The following CTNNA2 variants were observed in gnomAD, a reference collection of about 807,000 sequenced individuals.
CTNNA2 encodes the protein catenin alpha-2.
Under a neutral mutation model 101.0 loss-of-function variants are expected in CTNNA2, and 42 were observed. The observed-to-expected ratio is 0.42, with a 90% CI of 0.32 to 0.54. The LOEUF (loss-of-function observed/expected upper bound fraction) is 0.54. CTNNA2 is among the 20% of genes least tolerant of loss of function. The probability of loss-of-function intolerance (pLI) is 0.14; values close to 1 mark genes in which losing one functional copy is unlikely to be tolerated. For synonymous variants in CTNNA2, 450 were observed against 456.4 expected (o/e 0.99, Z 0.18); for missense variants, 871 against 1,223.1 (o/e 0.71, Z 4.29).
chr2:79,258,845 CAAAAAAAAAAA>C (rs869066159), intron 2 of CTNNA2, among the ~76,000 whole-genome samples: 22 of 91,370 alleles, frequency 2.4e-4, no homozygotes, highest in Middle Eastern at 6.5e-3. Context: ...AATCCTCTAC[CAAAAAAAAAAA>C]AAAAAAAAAA....
intron 2 of CTNNA2, among the ~76,000 whole-genome samples, chr2:79,728,550 C>G (rs1331395547): frequency 2.0e-5 from 3 of 152,138 alleles, no homozygotes; most frequent in Admixed American, 1.3e-4. Context: ...GTGGTAGTTT[C>G]TTTTGCTGTG....
intron 7 of CTNNA2, among the ~76,000 whole-genome samples, chr2:80,169,348 T>C (rs1204909030): frequency 6.6e-6 from 1 of 152,176 alleles, no homozygotes; most frequent in African/African-American, 2.4e-5. Flanking sequence ...TAGTGGTGGC[T>C]GAGGTCACAG....
At chr2:80,448,240 TC>T (rs1683221581) in intron 9 of CTNNA2, among the ~76,000 whole-genome samples, 1 of 152,214 alleles carries the variant, frequency 6.6e-6, no homozygotes, top group African/African-American at 2.4e-5. Context: ...GACAACCATT[TC>T]ATTCAGCAGC....
At chr2:80,097,959 C>T (rs1340767804) in intron 7 of CTNNA2, among the ~76,000 whole-genome samples, 1 of 152,134 alleles carries the variant, frequency 6.6e-6, no homozygotes, top group Admixed American at 6.5e-5. Context: ...GAACTTCCTC[C>T]TTTAGCTCGG....
intron 7 of CTNNA2, among the ~76,000 whole-genome samples, chr2:80,096,897 T>G (rs1305047212): frequency 6.6e-6 from 1 of 152,208 alleles, no homozygotes; most frequent in Non-Finnish European, 1.5e-5. Context: ...AGCCTATGTG[T>G]GTCTCTGCAT....
chr2:79,740,306 C>A (rs1165332942), intron 2 of CTNNA2, among the ~76,000 whole-genome samples: 1 of 152,142 alleles, frequency 6.6e-6, no homozygotes, highest in Non-Finnish European at 1.5e-5. Context: ...CTAGCTCCAT[C>A]CATGATCCTG....
intron 1 of CTNNA2, among the ~76,000 whole-genome samples, chr2:79,606,789 C>G (rs1677923578): frequency 6.6e-6 from 1 of 151,894 alleles, no homozygotes; most frequent in Admixed American, 6.6e-5. Context: ...AAATGATGAA[C>G]TAAACAATGT....
At chr2:79,377,771 C>T (rs1023236507) in intron 4 of CTNNA2, among the ~76,000 whole-genome samples, 2 of 152,132 alleles carry the variant, frequency 1.3e-5, no homozygotes, top group Non-Finnish European at 2.9e-5. Flanking sequence ...CTATTGTCTG[C>T]CATAGCACCT....
intron 5 of CTNNA2, 34 bp from the exon 6 acceptor site, chr2:79,874,042 T>A (rs1165436999): frequency 1.2e-6 from 2 of 1,607,352 alleles, no homozygotes; most frequent in Non-Finnish European, 1.7e-6. Context: ...GCAAATTTCA[T>A]GTGTGTGACA....
chr2:80,011,927 A>G (rs971592330), intron 7 of CTNNA2, among the ~76,000 whole-genome samples: 2 of 152,166 alleles, frequency 1.3e-5, no homozygotes, highest in African/African-American at 4.8e-5. Flanking sequence ...AAGATTAACC[A>G]TGATGTTGGC....
intron 7 of CTNNA2, among the ~76,000 whole-genome samples, chr2:80,149,185 A>G (rs1022180033): frequency 1.3e-5 from 2 of 152,104 alleles, no homozygotes; most frequent in African/African-American, 4.8e-5. Flanking sequence ...GGTGCATGCC[A>G]GTGTATCCAG....
intron 4 of CTNNA2, among the ~76,000 whole-genome samples, chr2:79,477,469 C>A (rs1206601554): frequency 1.3e-5 from 2 of 152,154 alleles, no homozygotes; most frequent in Non-Finnish European, 2.9e-5. Flanking sequence ...TCACACCCAG[C>A]CCATTGCATG....
intron 8 of CTNNA2, among the ~76,000 whole-genome samples, chr2:80,393,682 T>G (rs1345529168): frequency 6.6e-6 from 1 of 152,200 alleles, no homozygotes; most frequent in Non-Finnish European, 1.5e-5. Flanking sequence ...TAATGGTTAA[T>G]GAGAAATACA....
intron 2 of CTNNA2, among the ~76,000 whole-genome samples, chr2:79,254,497 G>A (rs1455429714): frequency 6.6e-6 from 1 of 152,156 alleles, no homozygotes; most frequent in African/African-American, 2.4e-5. Flanking sequence ...CCATGTGAAG[G>A]GCTGGCTCCT....
chr2:80,318,150 A>T (rs1023704993), intron 7 of CTNNA2, among the ~76,000 whole-genome samples: 1 of 152,152 alleles, frequency 6.6e-6, no homozygotes, highest in Admixed American at 6.6e-5. Flanking sequence ...GTGCTAAGCT[A>T]TATAAAATAT....
intron 7 of CTNNA2, among the ~76,000 whole-genome samples, chr2:80,052,577 T>C (rs1696944175): frequency 6.6e-6 from 1 of 152,220 alleles, no homozygotes; most frequent in Non-Finnish European, 1.5e-5. Flanking sequence ...AAAATGAAAT[T>C]GGTATAGTGT....
At chr2:79,883,351 T>C (rs2104138095) in intron 6 of CTNNA2, among the ~76,000 whole-genome samples, 1 of 152,356 alleles carries the variant, frequency 6.6e-6, no homozygotes, top group East Asian at 1.9e-4. Flanking sequence ...CTTGGTGACC[T>C]ATTTTCTGGC....
chr2:80,339,338 G>C (rs1483930900), intron 7 of CTNNA2, among the ~76,000 whole-genome samples: 1 of 152,136 alleles, frequency 6.6e-6, no homozygotes, highest in Non-Finnish European at 1.5e-5. Context: ...CACTGACCTA[G>C]AAAGGGTATT....
At chr2:79,725,192 C>T (rs902410292) in intron 2 of CTNNA2, among the ~76,000 whole-genome samples, 8 of 152,150 alleles carry the variant, frequency 5.3e-5, no homozygotes, top group African/African-American at 1.7e-4. Context: ...TGAAACAGAA[C>T]ATCTCTGTCT....
Sources: gnomAD v4.1 joint callset for allele counts (sites outside exome capture counted in the v4.1 genomes callset) on GRCh38, gnomAD v4.1.1 for gene constraint, MANE v1.5 for transcripts, NCBI Gene and HGNC (gene_info 2026-07-23, HGNC 2026-07-21) for gene names.